Variants in MAP7 observed in about 807,000 individuals in gnomAD.
MAP7 encodes ensconsin.
Under a neutral mutation model 94.8 loss-of-function variants are expected in MAP7, and 52 were observed. The observed-to-expected ratio is 0.55, with a 90% CI of 0.44 to 0.69. MAP7 has a LOEUF of 0.69. MAP7 is among the 30% of genes least tolerant of loss of function. The probability of loss-of-function intolerance (pLI) is 0.00; values close to 1 mark genes in which losing one functional copy is unlikely to be tolerated. For missense variants in MAP7, 940 were observed against 964.6 expected, an observed-to-expected ratio of 0.97 and a Z score of 0.34; for synonymous variants, 350 against 357.0, an observed-to-expected ratio of 0.98 and a Z score of 0.22.
At chr6:136,391,781 T>G (rs1463223981) in intron 3 of MAP7, among the ~76,000 whole-genome samples, 1 of 152,130 alleles carries the variant, frequency 6.6e-6, no homozygotes, top group African/African-American at 2.4e-5. Flanking sequence ...TAGAACATAA[T>G]TCTGATACTT....
At chr6:136,368,653 AT>A (rs749154916) in intron 8 of MAP7, among the ~76,000 whole-genome samples, 4 of 152,232 alleles carry the variant, frequency 2.6e-5, no homozygotes, top group Non-Finnish European at 5.9e-5. Flanking sequence ...TCTATTTCCT[AT>A]AGCATCCAAA....
chr6:136,488,226 A>G (rs1371449802), intron 1 of MAP7, among the ~76,000 whole-genome samples: 2 of 152,330 alleles, frequency 1.3e-5, no homozygotes, highest in Non-Finnish European at 1.5e-5. Context: ...TTATGGTAGT[A>G]GTGACACTAT....
chr6:136,505,312 T>TAG (rs1821176173), intron 1 of MAP7, among the ~76,000 whole-genome samples: 1 of 136,318 alleles, frequency 7.3e-6, no homozygotes, highest in Non-Finnish European at 1.5e-5. Context: ...TATATATATA[T>TAG]AGTAAAATTA....
intron 2 of MAP7, among the ~76,000 whole-genome samples, chr6:136,419,289 T>TAAA (rs1266539581): frequency 6.6e-6 from 1 of 152,190 alleles, no homozygotes; most frequent in Non-Finnish European, 1.5e-5. Context: ...TATAAAAGTA[T>TAAA]AAACTGCACA....
intron 3 of MAP7, among the ~76,000 whole-genome samples, chr6:136,394,505 A>G (rs924630543): frequency 5.3e-5 from 8 of 152,136 alleles, no homozygotes; most frequent in Non-Finnish European, 8.8e-5. Flanking sequence ...ATATGCATAC[A>G]GTATGTAGTA....
At chr6:136,356,356 G>T (rs764736411) in intron 16 of MAP7, among the ~76,000 whole-genome samples, 1 of 151,934 alleles carries the variant, frequency 6.6e-6, no homozygotes, top group Non-Finnish European at 1.5e-5. Context: ...TGTAGAGATG[G>T]TGCTTTGCTA....
intron 1 of MAP7, among the ~76,000 whole-genome samples, chr6:136,522,615 T>C (rs574403656): frequency 5.8e-4 from 88 of 152,328 alleles, no homozygotes; most frequent in African/African-American, 2.1e-3. Context: ...GGTTTGGGTA[T>C]GGTTGGCAGA....
intron 1 of MAP7, among the ~76,000 whole-genome samples, chr6:136,422,397 T>C (rs917415759): frequency 6.6e-6 from 1 of 152,126 alleles, no homozygotes; most frequent in Non-Finnish European, 1.5e-5. Flanking sequence ...AGGCTGTAGT[T>C]TGCTTTATTA....
chr6:136,443,449 C>CTTTTTTT (rs149514831), intron 1 of MAP7, among the ~76,000 whole-genome samples: 1 of 99,940 alleles, frequency 1.0e-5, no homozygotes, highest in Non-Finnish European at 2.1e-5. Flanking sequence ...TCCCCTTCTA[C>CTTTTTTT]TTTTTTTTTT....
chr6:136,493,378 C>T (rs1053211474), intron 1 of MAP7, among the ~76,000 whole-genome samples: 2 of 152,062 alleles, frequency 1.3e-5, no homozygotes, highest in African/African-American at 4.8e-5. Context: ...CCACCTTGGC[C>T]TTCCAAAGTG....
At chr6:136,496,131 C>A (rs780877795) in intron 1 of MAP7, among the ~76,000 whole-genome samples, 1 of 151,062 alleles carries the variant, frequency 6.6e-6, no homozygotes, top group Non-Finnish European at 1.5e-5. Context: ...ACCCATCTCT[C>A]CCTACCCCAG....
chr6:136,431,814 G>A (rs757265930), intron 1 of MAP7, among the ~76,000 whole-genome samples: 7 of 152,114 alleles, frequency 4.6e-5, no homozygotes, highest in East Asian at 1.9e-4. Context: ...CACTGTGCCC[G>A]GCCTTGATGC....
intron 17 of MAP7, among the ~76,000 whole-genome samples, chr6:136,344,515 T>TA (rs1251380283): frequency 1.2e-4 from 18 of 152,360 alleles, no homozygotes; most frequent in African/African-American, 4.3e-4. Flanking sequence ...GGTTAGGGGT[T>TA]TAAACATTCA....
At chr6:136,410,762 G>A (rs545789319) in intron 3 of MAP7, among the ~76,000 whole-genome samples, 1 of 152,176 alleles carries the variant, frequency 6.6e-6, no homozygotes, top group Non-Finnish European at 1.5e-5. Flanking sequence ...AAAGGGATGA[G>A]ATATAGGGGC....
At chr6:136,362,077 T>A (rs1417006685) in intron 11 of MAP7, among the ~76,000 whole-genome samples, 1 of 152,170 alleles carries the variant, frequency 6.6e-6, no homozygotes, top group African/African-American at 2.4e-5. Flanking sequence ...ATTATGGATT[T>A]TTTTTTTCTT....
intron 12 of MAP7, 84 bp downstream of exon 12, chr6:136,360,921 C>A (rs2128562076): frequency 1.3e-6 from 2 of 1,542,188 alleles, no homozygotes; most frequent in East Asian, 2.2e-5. Flanking sequence ...GGAGCACCAG[C>A]AGTCCAGTCC....
At chr6:136,480,599 G>T (rs191335409) in intron 1 of MAP7, among the ~76,000 whole-genome samples, 2 of 125,084 alleles carry the variant, frequency 1.6e-5, no homozygotes, top group Non-Finnish European at 3.1e-5. Context: ...TCAAGATTGC[G>T]CCACTGCACT....
chr6:136,356,870 G>A, intron 15 of MAP7, 76 bp from the exon 16 acceptor site: 1 of 1,178,980 alleles, frequency 8.5e-7, no homozygotes. Flanking sequence ...GAGCCAGAAT[G>A]CCTTGATTTA....
At chr6:136,528,978 G>A (rs1344659984) in intron 1 of MAP7, among the ~76,000 whole-genome samples, 2 of 152,202 alleles carry the variant, frequency 1.3e-5, no homozygotes, top group Non-Finnish European at 2.9e-5. Context: ...CAGGAATACT[G>A]TGGCTTGATC....
Sources: allele counts gnomAD v4.1 joint callset (sites outside exome capture counted in the v4.1 genomes callset), GRCh38; gene constraint gnomAD v4.1.1; transcripts MANE v1.5; gene names NCBI Gene and HGNC (gene_info 2026-07-23, HGNC 2026-07-21).